Variants in PCDHA12 observed in about 807,000 individuals in gnomAD.
The protein encoded by PCDHA12 is protocadherin alpha 12, also known as protocadherin alpha-12.
PCDHA12 carries 44 observed loss-of-function variants against 60.0 expected under a neutral mutation model. The observed-to-expected ratio is 0.73, with a 90% CI of 0.58 to 0.94. The LOEUF (loss-of-function observed/expected upper bound fraction) is 0.94, where lower values mean the gene tolerates loss of function less well. Ranked by LOEUF, PCDHA12 falls within the 40% of genes least tolerant of loss-of-function variation. The pLI, the probability that PCDHA12 is intolerant of heterozygous loss-of-function variation, is 0.00. For synonymous variants in PCDHA12, 569 were observed against 553.0 expected (o/e 1.03, Z -0.40); for missense variants, 1,276 against 1,239.7 (o/e 1.03, Z -0.44).
intron 1 of PCDHA12, among the ~76,000 whole-genome samples, chr5:140,888,521 C>A (rs191011552): frequency 1.3e-5 from 2 of 152,142 alleles, no homozygotes; most frequent in African/African-American, 2.4e-5. Context: ...TTAGTTCTGA[C>A]GTGAAGTTAA....
chr5:140,994,528 C>T (rs1331400819), intron 3 of PCDHA12, among the ~76,000 whole-genome samples: 1 of 137,784 alleles, frequency 7.3e-6, no homozygotes, highest in Non-Finnish European at 1.5e-5. Flanking sequence ...CATGGCAAAA[C>T]CCCATCTCTA....
rs199624636 is a variant in PCDHA12, at chr5:141,009,721, C to T, written c.2610C>T (p.Ser870=). The change falls in exon 4 of 4, where the codon TCC becomes TCT. Residue 870 remains serine (S), a synonymous_variant. Coordinates refer to ENST00000398631, the MANE Select transcript of PCDHA12 (RefSeq NM_018903.4). ...FKYGPGNPKQ[S]GPGELPDKFI... ...ACGGACCAGGCAACCCCAAACAATCCGGTCCCGGTGAGTTGCCCGACAAAT... is the reference window on the plus strand; with the variant it reads ...ACGGACCAGGCAACCCCAAACAATCTGGTCCCGGTGAGTTGCCCGACAAAT... 1.3e-5 allele frequency: 21 copies of T among 1,614,012 alleles called. No individual in the cohort carries two copies. The highest frequency in any genetic ancestry group is 1.7e-5 in the Non-Finnish European group (20 of 1,180,038).
intron 1 of PCDHA12, chr5:140,882,151 G>C (rs529033742): frequency 6.7e-7 from 1 of 1,503,572 alleles, no homozygotes; most frequent in African/African-American, 1.4e-5. Flanking sequence ...AGCAGAAAGC[G>C]GAATACCTCT....
At chr5:140,930,712 A>T (rs1584689351) in intron 1 of PCDHA12, among the ~76,000 whole-genome samples, 1 of 152,234 alleles carries the variant, frequency 6.6e-6, no homozygotes, top group Non-Finnish European at 1.5e-5. Flanking sequence ...ATTCTTCCTC[A>T]AGTAATGATG....
At chr5:140,881,729 A>G (rs2058810929) in intron 1 of PCDHA12, among the ~76,000 whole-genome samples, 1 of 152,206 alleles carries the variant, frequency 6.6e-6, no homozygotes. Flanking sequence ...CTTGAAAAAT[A>G]TTACAGGAAG....
rs556069691 is a variant in PCDHA12 at position 140,951,526 on chromosome 5, G to A, written c.2368-27423G>A. Among the ~76,000 whole-genome samples the A allele has an allele frequency of 7.4e-4, 112 of 152,076 alleles. 1 individual carries two copies. The highest frequency in any genetic ancestry group is 2.6e-3 in the African/African-American group (107 of 41,516). ...GGAAAGCGGCTCATCTTACATGGCC[G>A]GTGCAGGAGCAAGGGACGGGGGGAA... is the stretch of plus-strand genomic sequence containing the variant. On this transcript the variant is annotated intron_variant, in intron 1 of 3. Transcript: ENST00000398631.
At chr5:140,999,454 A>G (rs1467435215) in intron 3 of PCDHA12, among the ~76,000 whole-genome samples, 1 of 152,206 alleles carries the variant, frequency 6.6e-6, no homozygotes, top group African/African-American at 2.4e-5. Context: ...CGTTCAACGA[A>G]TAAGTGGTGA....
chr5:140,963,032 T>C (rs541613535), intron 1 of PCDHA12, among the ~76,000 whole-genome samples: 8 of 152,290 alleles, frequency 5.3e-5, no homozygotes, highest in African/African-American at 1.9e-4. Context: ...CAATTAACAT[T>C]TATTGAGAGT....
intron 3 of PCDHA12, among the ~76,000 whole-genome samples, chr5:141,007,907 A>G (rs1402621923): frequency 6.6e-6 from 1 of 152,186 alleles, no homozygotes; most frequent in Non-Finnish European, 1.5e-5. Flanking sequence ...TTCTTTGTTG[A>G]AGATGCTATA....
intron 1 of PCDHA12, among the ~76,000 whole-genome samples, chr5:140,945,439 A>G (rs1291434553): frequency 6.6e-6 from 1 of 152,188 alleles, no homozygotes; most frequent in Non-Finnish European, 1.5e-5. Flanking sequence ...TTACAGAAAT[A>G]TAAAAAACTT....
At chr5:140,966,854 C>G in intron 1 of PCDHA12, 1 of 1,573,744 alleles carries the variant, frequency 6.4e-7, no homozygotes, top group Non-Finnish European at 8.6e-7. Context: ...GCCTCTCCTG[C>G]TGCTGTTGCT....
intron 1 of PCDHA12, among the ~76,000 whole-genome samples, chr5:140,900,662 G>C (rs2068213556): frequency 6.6e-6 from 1 of 152,190 alleles, no homozygotes; most frequent in South Asian, 2.1e-4. Flanking sequence ...ATGAACAATG[G>C]GAGTGCAGTT....
chr5:140,940,045 G>T (rs2092536047), intron 1 of PCDHA12, among the ~76,000 whole-genome samples: 1 of 152,038 alleles, frequency 6.6e-6, no homozygotes, highest in African/African-American at 2.4e-5. Flanking sequence ...TATTTTATTA[G>T]ATTCTTAACC....
chr5:140,991,253 C>T (rs912017745), intron 3 of PCDHA12, among the ~76,000 whole-genome samples: 1 of 152,178 alleles, frequency 6.6e-6, no homozygotes, highest in East Asian at 1.9e-4. Context: ...AGTATTTGAA[C>T]TCATGTCTGC....
chr5:140,961,887 GTTT>G (rs35680913), intron 1 of PCDHA12, among the ~76,000 whole-genome samples: 1 of 143,934 alleles, frequency 6.9e-6, no homozygotes. Context: ...ACTTACATCA[GTTT>G]TTTTTTTTTT....
intron 1 of PCDHA12, chr5:140,927,414 A>T: frequency 6.2e-7 from 1 of 1,614,114 alleles, no homozygotes; most frequent in South Asian, 1.1e-5. Context: ...TGGACATGGG[A>T]TCGCGGGTTG....
At chr5:140,973,276 C>G (rs1416819589) in intron 1 of PCDHA12, among the ~76,000 whole-genome samples, 1 of 152,132 alleles carries the variant, frequency 6.6e-6, no homozygotes, top group African/African-American at 2.4e-5. Context: ...TTTATTTCCC[C>G]CAGCACTGAT....
In PCDHA12 at chr5:140,879,581, G is replaced by A. The variant is rs537126502; in HGVS notation, c.2367+1742G>A. On this transcript the variant is annotated intron_variant, in intron 1 of 3. Transcript: ENST00000398631. ...ATGAAAGAATAAAATTGCCAAGACA[G>A]ACATTGAAAAGTGAAAAACAATGTG... Among the ~76,000 whole-genome samples the A allele has an allele frequency of 2.6e-5, 4 of 152,334 alleles. No individual in the cohort carries two copies. In the East Asian group the frequency reaches 7.7e-4, roughly 29 times the overall value.
At chr5:140,884,329 G>T (rs782258780) in intron 1 of PCDHA12, 1 of 1,613,760 alleles carries the variant, frequency 6.2e-7, no homozygotes, top group Non-Finnish European at 8.5e-7. Flanking sequence ...CAGGCGCTGT[G>T]GGTCCAGAAG....
Sources: allele counts gnomAD v4.1 joint callset (sites outside exome capture counted in the v4.1 genomes callset), GRCh38; gene constraint gnomAD v4.1.1; transcripts MANE v1.5; gene names NCBI Gene and HGNC (gene_info 2026-07-23, HGNC 2026-07-21).